The following PCED1B variants were observed in gnomAD, a reference collection of about 807,000 sequenced individuals.
PCED1B encodes PC-esterase domain containing 1B.
For missense variants in PCED1B, 573 were observed against 573.9 expected, an observed-to-expected ratio of 1.00 and a Z score of 0.02; for synonymous variants, 251 against 246.1, an observed-to-expected ratio of 1.02 and a Z score of -0.19.
intron 2 of PCED1B, among the ~76,000 whole-genome samples, chr12:47,181,675 T>C (rs368130673): frequency 1.3e-5 from 2 of 152,128 alleles, no homozygotes; most frequent in South Asian, 4.1e-4. Flanking sequence ...CCGAGATAGA[T>C]TCTTTCTAAT....
At chr12:47,098,568 C>T (rs1015208295) in intron 1 of PCED1B, among the ~76,000 whole-genome samples, 1 of 152,150 alleles carries the variant, frequency 6.6e-6, no homozygotes, top group African/African-American at 2.4e-5. Flanking sequence ...CTGCAAGCTC[C>T]GCCTTCCGGG....
At position 47,236,085 on chromosome 12, in the gene PCED1B, G is replaced by A. The variant is rs748154819; in HGVS notation, c.1022G>A (p.Cys341Tyr). The change falls in exon 4 of 4, where the codon TGT (cysteine) becomes TAT (tyrosine). Residue 341 changes from cysteine (C) to tyrosine (Y), a missense_variant. Physicochemically the swap from Cys to Tyr is radical, Grantham distance 194. Transcript: ENST00000546455. ...TTCCCACAGGGTCCCCCAGATGCCTGTTTTTCCTCAGACCATACTTTCCAG... is the reference window on the plus strand; with the variant it reads ...TTCCCACAGGGTCCCCCAGATGCCTATTTTTCCTCAGACCATACTTTCCAG... ...PRFPQGPPDA[C>Y]FSSDHTFQSD... The A allele has an allele frequency of 6.2e-7, 1 of 1,614,092 alleles. No homozygotes were observed. Among genetic ancestry groups the A allele is most frequent in the Non-Finnish European group, 8.5e-7 (1 of 1,180,006 alleles).
intron 3 of PCED1B, among the ~76,000 whole-genome samples, chr12:47,225,174 C>T (rs1220529974): frequency 3.3e-5 from 5 of 152,178 alleles, no homozygotes; most frequent in African/African-American, 9.7e-5. Context: ...TCAAGTGATC[C>T]ACCCGTCTCG....
chr12:47,156,851 C>T (rs1057395928), intron 2 of PCED1B, among the ~76,000 whole-genome samples: 2 of 152,122 alleles, frequency 1.3e-5, no homozygotes, highest in Non-Finnish European at 2.9e-5. Context: ...TACTTACTAG[C>T]TGTGATCTTG....
At chr12:47,127,273 C>A (rs77302389) in intron 2 of PCED1B, among the ~76,000 whole-genome samples, 1 of 151,562 alleles carries the variant, frequency 6.6e-6, no homozygotes, top group Non-Finnish European at 1.5e-5. Flanking sequence ...TTATAATTTC[C>A]GTTTGATTTC....
At chr12:47,185,899 G>A (rs1055624698) in intron 2 of PCED1B, among the ~76,000 whole-genome samples, 15 of 152,082 alleles carry the variant, frequency 9.9e-5, no homozygotes, top group African/African-American at 3.4e-4. Context: ...GGAGTATTCA[G>A]TAATAAGTAA....
At chr12:47,129,197 G>A (rs140215325) in intron 2 of PCED1B, among the ~76,000 whole-genome samples, 1 of 152,298 alleles carries the variant, frequency 6.6e-6, no homozygotes, top group East Asian at 1.9e-4. Context: ...TTAAGGGAGG[G>A]CACAGTGGCT....
chr12:47,087,916 G>A (rs1938066194), intron 1 of PCED1B, among the ~76,000 whole-genome samples: 1 of 152,092 alleles, frequency 6.6e-6, no homozygotes, highest in African/African-American at 2.4e-5. Context: ...CACATACCAA[G>A]GAACTGAAAC....
At chr12:47,086,360 T>TAAAAAAA (rs3045485) in intron 1 of PCED1B, among the ~76,000 whole-genome samples, 61 of 95,492 alleles carry the variant, frequency 6.4e-4, no homozygotes, top group African/African-American at 2.7e-3. Flanking sequence ...GTGCTTATGG[T>TAAAAAAA]AAAAAAAAAA....
intron 2 of PCED1B, among the ~76,000 whole-genome samples, chr12:47,137,068 C>T (rs755656456): frequency 6.6e-6 from 1 of 152,240 alleles, no homozygotes; most frequent in Non-Finnish European, 1.5e-5. Flanking sequence ...CTATGCAACA[C>T]TCTCGATTAC....
intron 2 of PCED1B, among the ~76,000 whole-genome samples, chr12:47,201,922 TG>T: frequency 6.6e-6 from 1 of 152,194 alleles, no homozygotes; most frequent in East Asian, 1.9e-4. Context: ...TTTTTAAGTT[TG>T]TCTTTGAGGA....
intron 2 of PCED1B, among the ~76,000 whole-genome samples, chr12:47,192,911 T>G (rs948071751): frequency 2.0e-4 from 31 of 152,200 alleles, no homozygotes; most frequent in African/African-American, 5.8e-4. Flanking sequence ...GTGAAACTAT[T>G]CATTCAAGCC....
intron 2 of PCED1B, among the ~76,000 whole-genome samples, chr12:47,193,928 G>A (rs188411099): frequency 1.2e-4 from 18 of 152,286 alleles, no homozygotes; most frequent in African/African-American, 4.3e-4. Flanking sequence ...CTGGGGCCCT[G>A]CCTTGCTCTT....
intron 2 of PCED1B, among the ~76,000 whole-genome samples, chr12:47,175,894 TTTC>T (rs1941908681): frequency 6.6e-6 from 1 of 151,312 alleles, no homozygotes; most frequent in African/African-American, 2.4e-5. Flanking sequence ...TTTAATTTTA[TTTC>T]TTTTTTTTTT....
At chr12:47,085,969 C>G (rs1208775500) in intron 1 of PCED1B, among the ~76,000 whole-genome samples, 2 of 152,156 alleles carry the variant, frequency 1.3e-5, no homozygotes, top group African/African-American at 4.8e-5. Context: ...AATTGCTGTC[C>G]TGCTTTAGCT....
At chr12:47,210,985 C>T (rs1480763763) in intron 2 of PCED1B, among the ~76,000 whole-genome samples, 4 of 151,984 alleles carry the variant, frequency 2.6e-5, no homozygotes, top group Non-Finnish European at 5.9e-5. Flanking sequence ...GCAATATGGG[C>T]CAATCGTATA....
At chr12:47,180,466 T>C (rs1942058873) in intron 2 of PCED1B, among the ~76,000 whole-genome samples, 1 of 152,132 alleles carries the variant, frequency 6.6e-6, no homozygotes, top group African/African-American at 2.4e-5. Flanking sequence ...TATACAAAAA[T>C]TAACTCAAGA....
At chr12:47,209,391 C>A (rs1943010378) in intron 2 of PCED1B, 1 of 152,294 alleles carries the variant, frequency 6.6e-6, no homozygotes, top group South Asian at 2.1e-4. Flanking sequence ...GAGGCTGAGG[C>A]AGGAGAATCA....
chr12:47,195,367 G>T (rs1942574639), intron 2 of PCED1B, among the ~76,000 whole-genome samples: 1 of 151,848 alleles, frequency 6.6e-6, no homozygotes, highest in Non-Finnish European at 1.5e-5. Context: ...TTCTGAAGGT[G>T]ACAGCTAATG....
Sources: allele counts gnomAD v4.1 joint callset (sites outside exome capture counted in the v4.1 genomes callset), GRCh38; gene constraint gnomAD v4.1.1; transcripts MANE v1.5; gene names NCBI Gene and HGNC (gene_info 2026-07-23, HGNC 2026-07-21).